Variants in MSI2 observed in about 807,000 individuals in gnomAD.
MSI2 encodes the protein musashi RNA binding protein 2.
In MSI2, 17 loss-of-function variants were observed where a neutral mutation model predicts 45.6. The ratio of observed to expected loss-of-function variants is 0.37; its 90% CI spans 0.26 to 0.56. The LOEUF is 0.56. Among genes scored for constraint, MSI2 ranks in the 20% least tolerant of loss-of-function variants. The pLI, the probability that MSI2 is intolerant of heterozygous loss-of-function variation, is 0.77. For synonymous variants in MSI2, 156 were observed against 158.2 expected (o/e 0.99, Z 0.11); for missense variants, 293 against 444.2 (o/e 0.66, Z 3.06).
At chr17:57,527,195 T>C (rs16958508) in intron 6 of MSI2, among the ~76,000 whole-genome samples, 37,884 of 151,930 alleles carry the variant, frequency 0.25, 5,319 homozygotes, top group African/African-American at 0.39. Context: ...GCAAAAGTCT[T>C]AGAAAATATG....
chr17:57,330,178 T>C (rs1287311588), intron 5 of MSI2, among the ~76,000 whole-genome samples: 1 of 152,194 alleles, frequency 6.6e-6, no homozygotes, highest in Admixed American at 6.5e-5. Context: ...GCTGCTGTTT[T>C]TACTGTGGTC....
At position 57,447,967 on chromosome 17, in the gene MSI2, T is replaced by G. The variant is rs566954348; in HGVS notation, c.405+46496T>G. ...CTTCATCTGAAATATCACTGACGTG[T>G]CTCTCCTAGTTGGTTTGGAGCAAGT... On this transcript the variant is annotated intron_variant, in intron 6 of 13. Transcript: ENST00000284073. Among the ~76,000 whole-genome samples, 6 of 152,326 alleles carry G rather than the reference T, an allele frequency of 3.9e-5. 1 individual carries two copies. The South Asian group carries it at 1.2e-3, about 32-fold the overall frequency.
intron 6 of MSI2, among the ~76,000 whole-genome samples, chr17:57,413,563 G>A (rs1007950094): frequency 6.6e-6 from 1 of 152,040 alleles, no homozygotes; most frequent in African/African-American, 2.4e-5. Context: ...TCATTTGGCT[G>A]ATGTTTGTTA....
At chr17:57,538,797 G>A (rs2086978000) in intron 7 of MSI2, among the ~76,000 whole-genome samples, 1 of 152,156 alleles carries the variant, frequency 6.6e-6, no homozygotes, top group African/African-American at 2.4e-5. Context: ...CTGCAAAATC[G>A]GTAACAAGGA....
the MSI2 span, among the ~76,000 whole-genome samples, chr17:57,698,677 T>A: frequency 3.3e-5 from 5 of 152,188 alleles, no homozygotes; most frequent in African/African-American, 1.2e-4. Flanking sequence ...CTCTTGAGTT[T>A]ATGGCCCTCT....
At chr17:57,442,636 G>A (rs1390540583) in intron 6 of MSI2, among the ~76,000 whole-genome samples, 2 of 152,148 alleles carry the variant, frequency 1.3e-5, no homozygotes, top group Non-Finnish European at 2.9e-5. Flanking sequence ...CCCAGGTTCT[G>A]TTGCCCAAGA....
At chr17:57,432,555 A>G (rs955928033) in intron 6 of MSI2, 1 of 152,468 alleles carries the variant, frequency 6.6e-6, no homozygotes, top group African/African-American at 2.4e-5. Flanking sequence ...GTTTATGCTC[A>G]TGGCCTCGGC....
intron 5 of MSI2, among the ~76,000 whole-genome samples, chr17:57,370,204 C>T (rs1270978393): frequency 6.6e-6 from 1 of 152,162 alleles, no homozygotes; most frequent in Admixed American, 6.5e-5. Context: ...TCTTTCCTGC[C>T]CAGGCCTGCC....
At chr17:57,362,656 G>C (rs1916895687) in intron 5 of MSI2, among the ~76,000 whole-genome samples, 1 of 152,034 alleles carries the variant, frequency 6.6e-6, no homozygotes, top group African/African-American at 2.4e-5. Context: ...GGGGAAAAAA[G>C]TGCCAGATTT....
chr17:57,353,142 C>T (rs184169338), intron 5 of MSI2, among the ~76,000 whole-genome samples: 52 of 152,290 alleles, frequency 3.4e-4, no homozygotes, highest in African/African-American at 4.8e-5. Flanking sequence ...CCCGAAAATG[C>T]GCTCTCCTCC....
At chr17:57,322,021 T>C (rs556988586) in intron 5 of MSI2, among the ~76,000 whole-genome samples, 1 of 152,298 alleles carries the variant, frequency 6.6e-6, no homozygotes, top group South Asian at 2.1e-4. Context: ...AGTCTCGAAC[T>C]CCTGACCTCA....
chr17:57,653,589 G>A (rs941706584), intron 11 of MSI2, among the ~76,000 whole-genome samples: 8 of 152,108 alleles, frequency 5.3e-5, no homozygotes, highest in African/African-American at 1.4e-4. Context: ...AACAAGCCTT[G>A]GCCCTACCTG....
chr17:57,563,112 A>AC, intron 7 of MSI2, among the ~76,000 whole-genome samples: 1 of 151,706 alleles, frequency 6.6e-6, no homozygotes, highest in Admixed American at 6.6e-5. Flanking sequence ...AAAAAAAAAA[A>AC]AAAAAAAAAC....
intron 6 of MSI2, among the ~76,000 whole-genome samples, chr17:57,443,680 C>T (rs1382768880): frequency 2.0e-5 from 3 of 152,098 alleles, no homozygotes; most frequent in South Asian, 4.1e-4. Flanking sequence ...TTGCTCTGCC[C>T]GTGTGAGACA....
intron 12 of MSI2, among the ~76,000 whole-genome samples, chr17:57,676,594 A>G (rs566571357): frequency 6.6e-6 from 1 of 152,308 alleles, no homozygotes; most frequent in East Asian, 1.9e-4. Context: ...ACCAGAAAGC[A>G]TCCCAGTTTG....
At chr17:57,697,150 A>ACACACATACACACACT in the MSI2 span, among the ~76,000 whole-genome samples, 12 of 150,558 alleles carry the variant, frequency 8.0e-5, no homozygotes, top group Non-Finnish European at 1.3e-4. Context: ...CAGGACACAC[A>ACACACATACACACACT]CACACACACA....
chr17:57,542,564 G>A (rs1442962012), intron 7 of MSI2, among the ~76,000 whole-genome samples: 1 of 151,404 alleles, frequency 6.6e-6, no homozygotes, highest in African/African-American at 2.4e-5. Flanking sequence ...CCTGATGCCT[G>A]AGTCCCACCC....
chr17:57,343,121 T>G (rs1285186633), intron 5 of MSI2, among the ~76,000 whole-genome samples: 2 of 152,174 alleles, frequency 1.3e-5, no homozygotes, highest in African/African-American at 2.4e-5. Flanking sequence ...AATTTTGCTG[T>G]CTGTACGTTT....
At chr17:57,400,553 A>T (rs929813871) in intron 5 of MSI2, among the ~76,000 whole-genome samples, 1 of 152,164 alleles carries the variant, frequency 6.6e-6, no homozygotes, top group African/African-American at 2.4e-5. Context: ...AGGAGGAAGT[A>T]ACTTCACACA....
Sources: gnomAD v4.1 joint callset for allele counts (sites outside exome capture counted in the v4.1 genomes callset) on GRCh38, gnomAD v4.1.1 for gene constraint, MANE v1.5 for transcripts, NCBI Gene and HGNC (gene_info 2026-07-23, HGNC 2026-07-21) for gene names.